Variants in NOVA2 observed in about 807,000 individuals in gnomAD.
NOVA2 encodes NOVA alternative splicing regulator 2.
Under a neutral mutation model 22.5 loss-of-function variants are expected in NOVA2, and 9 were observed. The ratio of observed to expected loss-of-function variants is 0.40; its 90% CI spans 0.24 to 0.70. The LOEUF (loss-of-function observed/expected upper bound fraction) is 0.70. NOVA2 is among the 30% of genes least tolerant of loss of function. The pLI is 0.38. For synonymous variants in NOVA2, 318 were observed against 335.2 expected, an observed-to-expected ratio of 0.95 and a Z score of 0.56; for missense variants, 383 against 682.8, an observed-to-expected ratio of 0.56 and a Z score of 4.89.
Position 45,963,021 on chromosome 19 carries a change from C to T in NOVA2, c.86-1868G>A, listed in dbSNP as rs546692088. 2.6e-5 allele frequency among the ~76,000 whole-genome samples: 4 copies of T among 152,212 alleles called. No individual in the cohort carries two copies. The East Asian group carries it at 7.7e-4, about 29-fold the overall frequency. ...AGTCTCAAGGCAAGCATCTAGCCTC[C>T]CCTGCCCGTTGCCCCTACGTGCCTC... is the stretch of plus-strand genomic sequence containing the variant. On this transcript the variant is annotated intron_variant, in intron 1 of 3. Coordinates refer to ENST00000263257, the MANE Select transcript of NOVA2 (RefSeq NM_002516.4).
chr19:45,973,225 C>T, intron 1 of NOVA2, 42 bp downstream of exon 1: 2 of 1,252,916 alleles, frequency 1.6e-6, no homozygotes, highest in Admixed American at 2.6e-5. Context: ...AAGGCGAGGC[C>T]CCCTGCCCGC....
chr19:45,957,669 A>G (rs956025631), intron 2 of NOVA2, among the ~76,000 whole-genome samples: 6 of 152,010 alleles, frequency 3.9e-5, no homozygotes, highest in East Asian at 3.9e-4. Context: ...GTGCCACTGC[A>G]CTCCAGCCTG....
intron 1 of NOVA2, among the ~76,000 whole-genome samples, chr19:45,961,651 C>T (rs1281272981): frequency 2.6e-5 from 4 of 152,154 alleles, no homozygotes; most frequent in Non-Finnish European, 4.4e-5. Flanking sequence ...AGGTGCTATA[C>T]TGTTCTAAGT....
rs1195025335 is a variant in NOVA2, at chr19:45,935,318, AAGAC to A, written c.*4541_*4544del. 13 of 152,462 alleles carry A rather than the reference AAGAC, an allele frequency of 8.5e-5. No individual in the cohort carries two copies. Among genetic ancestry groups the A allele is most frequent in the Admixed American group, 4.6e-4 (7 of 15,292 alleles). The allele number at this position is 152,462 out of a possible 1,614,324, so 9.4% of individuals were successfully genotyped here. On this transcript the variant is annotated 3_prime_UTR_variant, in exon 4 of 4. Coordinates refer to ENST00000263257, the MANE Select transcript of NOVA2 (RefSeq NM_002516.4). Reference sequence around the variant, plus strand: ...TCCAATGCAACTTGCAGGGGACACTAAGACAGACCATACACACCAGCAGTGGCGC... The same window carrying A: ...TCCAATGCAACTTGCAGGGGACACTAAGACCATACACACCAGCAGTGGCGC...
rs563912352 is a variant in NOVA2, at chr19:45,967,032, T to C, written c.86-5879A>G. Among the ~76,000 whole-genome samples, 168 of 152,288 alleles carry C rather than the reference T, an allele frequency of 1.1e-3. 1 individual carries two copies. Among genetic ancestry groups the C allele is most frequent in the African/African-American group, 3.9e-3 (162 of 41,578 alleles). ...TGTCCATGGACCACCTTAAATCATCTTGTGGGTGGCTTGATGGTCCCTGTA... is the reference window on the plus strand; with the variant it reads ...TGTCCATGGACCACCTTAAATCATCCTGTGGGTGGCTTGATGGTCCCTGTA... On this transcript the variant is annotated intron_variant, in intron 1 of 3. Transcript: ENST00000263257.
chr19:45,965,729 C>G (rs76280094), intron 1 of NOVA2, among the ~76,000 whole-genome samples: 1 of 135,454 alleles, frequency 7.4e-6, no homozygotes, highest in African/African-American at 2.7e-5. Flanking sequence ...GACTGTGTCT[C>G]AAAAAAAAAA....
chr19:45,939,798 G>GGAGGAGGAGAGGGAA lies in NOVA2; in HGVS notation c.*50_*64dup, dbSNP rs911499712. Reference sequence around the variant, plus strand: ...CCAAGCTGAGGTCAGGAGTTGGGGGGGAGGAGGAGAGGGAAGAGGAGGAGA... The same window carrying GGAGGAGGAGAGGGAA: ...CCAAGCTGAGGTCAGGAGTTGGGGGGGAGGAGGAGAGGGAAGAGGAGGAGAGGGAAGAGGAGGAGA... On this transcript the variant is annotated 3_prime_UTR_variant, in exon 4 of 4. Transcript: ENST00000263257. 30 of 1,586,618 alleles carry GGAGGAGGAGAGGGAA rather than the reference G, an allele frequency of 1.9e-5. No individual in the cohort carries two copies. Among genetic ancestry groups the GGAGGAGGAGAGGGAA allele is most frequent in the African/African-American group, 5.4e-5 (4 of 74,340 alleles).
chr19:45,960,860 A>T, intron 2 of NOVA2, 150 bp downstream of exon 2: 2 of 788,446 alleles, frequency 2.5e-6, no homozygotes, highest in Non-Finnish European at 3.9e-6. Flanking sequence ...GGCTGGGGGC[A>T]GCTCTGTCCC....
At chr19:45,948,230 T>A (rs1967869953) in intron 3 of NOVA2, among the ~76,000 whole-genome samples, 1 of 152,106 alleles carries the variant, frequency 6.6e-6, no homozygotes, top group Non-Finnish European at 1.5e-5. Flanking sequence ...TGACATGTGC[T>A]GAGCACCTAC....
chr19:45,951,604 G>A (rs2146415044), intron 3 of NOVA2, among the ~76,000 whole-genome samples: 1 of 144,618 alleles, frequency 6.9e-6, no homozygotes, highest in African/African-American at 2.5e-5. Context: ...GGCAACAAGA[G>A]CAAAACTCCG....
At chr19:45,966,538 G>A (rs191386815) in intron 1 of NOVA2, among the ~76,000 whole-genome samples, 1 of 152,216 alleles carries the variant, frequency 6.6e-6, no homozygotes, top group African/African-American at 2.4e-5. Flanking sequence ...AAAGTTCTGG[G>A]ATTACAGGCA....
Position 45,938,905 on chromosome 19 carries a change from A to G in NOVA2, c.*958T>C, listed in dbSNP as rs1471896244. ...GTACACCTTCCCATGATATCACCAA[A>G]GTGACCTTCAAGGAAGAACTCATTG... On this transcript the variant is annotated 3_prime_UTR_variant, in exon 4 of 4. Transcript: ENST00000263257. The G allele has an allele frequency of 6.6e-6, 1 of 152,232 alleles. No homozygotes were observed. Among genetic ancestry groups the G allele is most frequent in the Non-Finnish European group, 1.5e-5 (1 of 68,052 alleles). The allele number at this position is 152,232 out of a possible 1,614,324, so 9.4% of individuals were successfully genotyped here.
rs1347619279 is a variant in NOVA2, at chr19:45,937,247, G to C, written c.*2616C>G. 1 of 152,232 alleles carries C rather than the reference G, an allele frequency of 6.6e-6. No homozygotes were observed. Among genetic ancestry groups the C allele is most frequent in the East Asian group, 1.9e-4 (1 of 5,180 alleles). 9.4% of individuals were successfully genotyped at this position (152,232 alleles called of 1,614,324 possible). On this transcript the variant is annotated 3_prime_UTR_variant, in exon 4 of 4. Coordinates refer to ENST00000263257, the MANE Select transcript of NOVA2 (RefSeq NM_002516.4). The stretch of plus-strand genomic sequence containing the variant: ...AGCCTCCGGAGATGTGTCTGTGTGA[G>C]AGGAGTCCTGGACCCGGCTGATTGG...
At chr19:45,948,725 T>G (rs1455563869) in intron 3 of NOVA2, among the ~76,000 whole-genome samples, 1 of 152,202 alleles carries the variant, frequency 6.6e-6, no homozygotes, top group Non-Finnish European at 1.5e-5. Flanking sequence ...GAAACCAGTC[T>G]GGCAGTTCTT....
At chr19:45,956,684 G>A (rs1376711608) in intron 2 of NOVA2, among the ~76,000 whole-genome samples, 1 of 152,156 alleles carries the variant, frequency 6.6e-6, no homozygotes, top group Non-Finnish European at 1.5e-5. Context: ...TGGCCAGTCT[G>A]GCCTCAAGTG....
intron 1 of NOVA2, among the ~76,000 whole-genome samples, chr19:45,972,198 C>T (rs1237116415): frequency 1.3e-5 from 2 of 152,000 alleles, no homozygotes; most frequent in East Asian, 1.9e-4. Flanking sequence ...CACCCTCGTG[C>T]GTTTCACCCA....
intron 1 of NOVA2, among the ~76,000 whole-genome samples, chr19:45,969,381 C>T (rs964705298): frequency 3.3e-5 from 5 of 151,666 alleles, no homozygotes; most frequent in Non-Finnish European, 4.4e-5. Flanking sequence ...GTGGTGCACA[C>T]CTGTAGTTCC....
chr19:45,963,746 G>A (rs961283824), intron 1 of NOVA2, among the ~76,000 whole-genome samples: 1 of 152,104 alleles, frequency 6.6e-6, no homozygotes, highest in Admixed American at 6.5e-5. Context: ...TGGCCAGGAT[G>A]GTCTGGGTCA....
At chr19:45,971,492 C>A (rs750707942) in intron 1 of NOVA2, among the ~76,000 whole-genome samples, 20 of 152,104 alleles carry the variant, frequency 1.3e-4, no homozygotes, top group Non-Finnish European at 2.8e-4. Flanking sequence ...CCATCCCCTC[C>A]CCCAACTTCC....
Sources: allele counts gnomAD v4.1 joint callset (sites outside exome capture counted in the v4.1 genomes callset), GRCh38; gene constraint gnomAD v4.1.1; transcripts MANE v1.5; gene names NCBI Gene and HGNC (gene_info 2026-07-23, HGNC 2026-07-21).